GDI2: variants seen among roughly 807,000 people sequenced by gnomAD.
The protein encoded by GDI2 is GDP dissociation inhibitor 2, also known as rab GDP dissociation inhibitor beta.
A neutral mutation model predicts 54.2 loss-of-function variants in GDI2; 22 were observed. That is an observed-to-expected ratio of 0.41 (90% CI 0.29 to 0.58). The LOEUF (loss-of-function observed/expected upper bound fraction) is 0.58, where lower values mean the gene tolerates loss of function less well. Ranked by LOEUF, GDI2 falls within the 20% of genes least tolerant of loss-of-function variation. GDI2 has a pLI of 0.35. For synonymous variants in GDI2, 177 were observed against 182.1 expected (o/e 0.97, Z 0.23); for missense variants, 422 against 546.0 (o/e 0.77, Z 2.26).
At position 5,776,570 on chromosome 10, in the gene GDI2, G is replaced by C; in HGVS notation, c.720-2629C>G. ...TGTGGAATTCCTTGTGGCTGAGAAT[G>C]AAAGATTAAGGAAAGAAAATAAACA... On this transcript the variant is annotated intron_variant, in intron 6 of 10. Coordinates refer to ENST00000380191, the MANE Select transcript of GDI2 (RefSeq NM_001494.4). This position sits in a 1 kb window ranked among gnomAD's most constrained non-coding sequence, Gnocchi z 5.3. 6.4e-7 allele frequency: 1 copy of C among 1,564,696 alleles called. No individual in the cohort carries two copies. Among genetic ancestry groups the C allele is most frequent in the Non-Finnish European group, 8.8e-7 (1 of 1,138,580 alleles).
chr10:5,812,427 C>T (rs1841496113), intron 1 of GDI2, among the ~76,000 whole-genome samples: 1 of 152,094 alleles, frequency 6.6e-6, no homozygotes, highest in Non-Finnish European at 1.5e-5. Context: ...TTTAGCAATC[C>T]ATCACCAACC....
intron 1 of GDI2, among the ~76,000 whole-genome samples, chr10:5,808,412 G>A (rs537409032): frequency 5.3e-5 from 8 of 152,012 alleles, no homozygotes; most frequent in East Asian, 3.9e-4. Context: ...GGTGGCTCTC[G>A]CCTGTAATCC....
rs1840847640 is a variant in GDI2, at chr10:5,785,238, C to T, written c.623G>A (p.Arg208Lys). The T allele has an allele frequency of 6.2e-7, 1 of 1,602,056 alleles. No homozygotes were observed. Among genetic ancestry groups the T allele is most frequent in the Non-Finnish European group, 8.5e-7 (1 of 1,169,694 alleles). Residue 208 changes from arginine (R) to lysine (K), a missense_variant, in exon 6 of 11, where the codon AGA (arginine) becomes AAA (lysine). Coordinates refer to ENST00000380191, the MANE Select transcript of GDI2 (RefSeq NM_001494.4). ...CAAAGATTCACTGTAAAGTTTAATT[C>T]TATTAATGGTTTCATAACACGGTTG... ...LDQPCYETIN[R>K]IKLYSESLAR...
At chr10:5,771,567 G>T (rs1840488897) in intron 7 of GDI2, among the ~76,000 whole-genome samples, 1 of 151,880 alleles carries the variant, frequency 6.6e-6, no homozygotes, top group Non-Finnish European at 1.5e-5. Flanking sequence ...AAAAAAGTCT[G>T]TCATTATAGG....
At chr10:5,799,615 G>A (rs1056628417) in intron 2 of GDI2, among the ~76,000 whole-genome samples, 3 of 152,216 alleles carry the variant, frequency 2.0e-5, no homozygotes, top group African/African-American at 7.2e-5. Context: ...CTGTGCCACT[G>A]CACTCCAGCC....
chr10:5,803,834 CTTTA>C (rs1434819491), intron 1 of GDI2, among the ~76,000 whole-genome samples: 2 of 152,142 alleles, frequency 1.3e-5, no homozygotes, highest in East Asian at 3.9e-4. Flanking sequence ...GTGATCAGTG[CTTTA>C]TTTCTTAAAG....
chr10:5,809,802 C>T (rs866982050), intron 1 of GDI2, among the ~76,000 whole-genome samples: 10 of 152,170 alleles, frequency 6.6e-5, no homozygotes, highest in African/African-American at 2.4e-4. Flanking sequence ...CAGTGTATCA[C>T]GCATGTGAAC....
At chr10:5,793,689 C>T (rs540062696) in intron 4 of GDI2, among the ~76,000 whole-genome samples, 3 of 152,196 alleles carry the variant, frequency 2.0e-5, no homozygotes, top group Non-Finnish European at 4.4e-5. Context: ...AGAGCCCTCA[C>T]CTACCCTTAG....
chr10:5,781,587 T>C (rs61418589), intron 6 of GDI2, among the ~76,000 whole-genome samples: 234 of 136,648 alleles, frequency 1.7e-3, no homozygotes, highest in African/African-American at 6.0e-3. Context: ...ACAGTGCCAC[T>C]GCAATCCGGC....
rs377368494 is a variant in GDI2 at position 5,804,566 on chromosome 10, T to C, written c.46-3861A>G. On this transcript the variant is annotated intron_variant, in intron 1 of 10. Coordinates refer to ENST00000380191, the MANE Select transcript of GDI2 (RefSeq NM_001494.4). ...TAAAAATCTAATCATGTGTATTAAC[T>C]TTCTGCGTCTGACATTATGCAACAC... Among the ~76,000 whole-genome samples the C allele has an allele frequency of 5.3e-5, 8 of 152,340 alleles. No individual in the cohort carries two copies. The East Asian group carries it at 9.6e-4, about 18-fold the overall frequency.
At chr10:5,786,198 T>C (rs1327697686) in intron 4 of GDI2, 148 bp from the exon 5 acceptor site, 1 of 555,154 alleles carries the variant, frequency 1.8e-6, no homozygotes, top group Non-Finnish European at 3.0e-6. Context: ...TGAGACAGAG[T>C]CTTGCTCTGT....
chr10:5,777,570 A>T (rs1283548562), intron 6 of GDI2, among the ~76,000 whole-genome samples: 3 of 152,194 alleles, frequency 2.0e-5, no homozygotes, highest in African/African-American at 7.2e-5. Flanking sequence ...AATCAAAACC[A>T]CAAAACCATG....
chr10:5,781,621 T>C (rs1422786656), intron 6 of GDI2, among the ~76,000 whole-genome samples: 20 of 110,120 alleles, frequency 1.8e-4, no homozygotes, highest in African/African-American at 6.4e-4. Flanking sequence ...CCAGACTCTG[T>C]CTCCAAAAAA....
At chr10:5,785,748 C>T in intron 5 of GDI2, 104 bp downstream of exon 5, 1 of 712,830 alleles carries the variant, frequency 1.4e-6, no homozygotes, top group Non-Finnish European at 2.4e-6. Context: ...ATTCATAGTG[C>T]AATATGGCTA....
At chr10:5,799,232 G>A (rs984006505) in intron 2 of GDI2, among the ~76,000 whole-genome samples, 8 of 152,166 alleles carry the variant, frequency 5.3e-5, no homozygotes, top group Non-Finnish European at 8.8e-5. Flanking sequence ...CGCTACTTAG[G>A]AGGCTGATAC....
Position 5,766,368 on chromosome 10 carries a change from G to A in GDI2, c.1137-73C>T. 6.7e-7 allele frequency: 1 copy of A among 1,482,646 alleles called. No homozygotes were observed. The allele number at this position is 1,482,646 out of a possible 1,614,324, so 91.8% of individuals were successfully genotyped here. A position where few individuals can be genotyped will look rare whatever the true frequency, so the allele number is the denominator to read the frequency against. ...CATGGCTCTGCCTGAGGTCAACTGAGAGGTACAGATGAATCCCACAGAGCA... is the reference window on the plus strand; with the variant it reads ...CATGGCTCTGCCTGAGGTCAACTGAAAGGTACAGATGAATCCCACAGAGCA... On this transcript the variant is annotated intron_variant, in intron 9 of 10. Coordinates refer to ENST00000380191, the MANE Select transcript of GDI2 (RefSeq NM_001494.4). This position sits in a 1 kb window ranked among gnomAD's most constrained non-coding sequence, Gnocchi z 5.8.
chr10:5,776,433 C>G lies in GDI2; in HGVS notation c.720-2492G>C. 1.2e-6 allele frequency: 1 copy of G among 821,198 alleles called. No homozygotes were observed. The highest frequency in any genetic ancestry group is 1.3e-5 in the South Asian group (1 of 74,446). 50.9% of individuals were successfully genotyped at this position (821,198 alleles called of 1,614,324 possible). ...GATTCAAGGGATCTTTGACAGGGAT[C>G]CAGACACGCTACTATTTTTACTTTA... On this transcript the variant is annotated intron_variant, in intron 6 of 10. Coordinates refer to ENST00000380191, the MANE Select transcript of GDI2 (RefSeq NM_001494.4). This position sits in a 1 kb window ranked among gnomAD's most constrained non-coding sequence, Gnocchi z 5.3.
intron 6 of GDI2, among the ~76,000 whole-genome samples, chr10:5,784,117 G>A (rs1167514853): frequency 3.9e-5 from 6 of 152,130 alleles, no homozygotes; most frequent in South Asian, 4.1e-4. Flanking sequence ...TGGAGGCTGC[G>A]TTCATTTTTT....
Position 5,776,749 on chromosome 10 carries a change from T to C in GDI2, c.720-2808A>G, listed in dbSNP as rs1406197944. On this transcript the variant is annotated intron_variant, in intron 6 of 10. Coordinates refer to ENST00000380191, the MANE Select transcript of GDI2 (RefSeq NM_001494.4). This position sits in a 1 kb window ranked among gnomAD's most constrained non-coding sequence, Gnocchi z 5.3. ...TAACCTGGCAGAAGTTTGCAGCAAA[T>C]ACCAGGAAAGCCAAGGACATTCCAA... 1.3e-6 allele frequency: 2 copies of C among 1,528,420 alleles called. No individual in the cohort carries two copies. Among genetic ancestry groups the C allele is most frequent in the South Asian group, 1.1e-5 (1 of 88,604 alleles). 94.7% of individuals were successfully genotyped at this position (1,528,420 alleles called of 1,614,324 possible).
Sources: gnomAD v4.1 joint callset for allele counts (sites outside exome capture counted in the v4.1 genomes callset) on GRCh38, gnomAD v4.1.1 for gene constraint, Gnocchi (gnomAD v3.1) non-coding constraint, MANE v1.5 for transcripts, NCBI Gene and HGNC (gene_info 2026-07-23, HGNC 2026-07-21) for gene names.